The following LIMK2 variants were observed in gnomAD, a reference collection of about 807,000 sequenced individuals.
The protein encoded by LIMK2 is LIM domain kinase 2.
In LIMK2, 35 loss-of-function variants were observed where a neutral mutation model predicts 75.7. The ratio of observed to expected loss-of-function variants is 0.46; its 90% CI spans 0.35 to 0.61. The LOEUF (loss-of-function observed/expected upper bound fraction) is 0.61. Among genes scored for constraint, LIMK2 ranks in the 20% least tolerant of loss-of-function variants. The pLI, the probability that LIMK2 is intolerant of heterozygous loss-of-function variation, is 0.00. For missense variants in LIMK2, 623 were observed against 831.0 expected, an observed-to-expected ratio of 0.75 and a Z score of 3.08; for synonymous variants, 301 against 319.2, an observed-to-expected ratio of 0.94 and a Z score of 0.61.
In LIMK2 at chr22:31,272,567, G is replaced by A. The variant is rs1262630792; in HGVS notation, c.1421G>A (p.Arg474Gln). ...GTGGTGGCAGACTTTGGGCTGTCAC[G>A]GCTCATAGTGGAAGAGAGGAAAAGG... ...TVVVADFGLS[R>Q]LIVEERKRAP... Residue 474 changes from arginine (R) to glutamine (Q), a missense_variant, in exon 13 of 16, where the codon CGG becomes CAG. Around this residue, in one of 3 missense-constraint regions of LIMK2, gnomAD observed 514 missense variants for 661.3 expected, o/e 0.78. Coordinates refer to ENST00000331728, the MANE Select transcript of LIMK2 (RefSeq NM_005569.4). 6 of 1,613,528 alleles carry A rather than the reference G, an allele frequency of 3.7e-6. No homozygotes were observed. Among genetic ancestry groups the A allele is most frequent in the Non-Finnish European group, 5.1e-6 (6 of 1,179,916 alleles).
intron 11 of LIMK2, among the ~76,000 whole-genome samples, chr22:31,270,360 G>A (rs370615413): frequency 2.0e-5 from 3 of 152,202 alleles, no homozygotes; most frequent in African/African-American, 7.2e-5. Context: ...GACAGTCTTT[G>A]AGGAGCACTC....
intron 1 of LIMK2, among the ~76,000 whole-genome samples, chr22:31,214,400 A>G (rs1208860511): frequency 6.6e-6 from 1 of 152,220 alleles, no homozygotes; most frequent in Admixed American, 6.5e-5. Flanking sequence ...ATTGCAATAA[A>G]TGCTATAATA....
At chr22:31,229,012 G>T (rs2048502657) in intron 2 of LIMK2, among the ~76,000 whole-genome samples, 1 of 151,846 alleles carries the variant, frequency 6.6e-6, no homozygotes, top group African/African-American at 2.4e-5. Flanking sequence ...ATTATGTTGT[G>T]AGTGTGTGTC....
intron 5 of LIMK2, among the ~76,000 whole-genome samples, chr22:31,260,319 AG>A (rs1421422652): frequency 6.6e-6 from 1 of 152,212 alleles, no homozygotes; most frequent in Non-Finnish European, 1.5e-5. Flanking sequence ...GTCAGGTTTC[AG>A]GTCATGTTTG....
intron 2 of LIMK2, among the ~76,000 whole-genome samples, chr22:31,231,520 C>A (rs1043441582): frequency 6.6e-6 from 1 of 152,186 alleles, no homozygotes; most frequent in Non-Finnish European, 1.5e-5. Flanking sequence ...GCCTGCCTGA[C>A]AGAGGAAGGA....
intron 1 of LIMK2, among the ~76,000 whole-genome samples, chr22:31,216,312 G>T (rs1038277560): frequency 1.3e-5 from 2 of 152,168 alleles, no homozygotes; most frequent in Non-Finnish European, 2.9e-5. Flanking sequence ...CAAGTTTCAG[G>T]TCTTCATAAA....
chr22:31,216,689 C>G (rs1163362661), intron 1 of LIMK2, among the ~76,000 whole-genome samples: 1 of 152,176 alleles, frequency 6.6e-6, no homozygotes, highest in Non-Finnish European at 1.5e-5. Flanking sequence ...GATTTCAAAA[C>G]TAAATAAAAA....
intron 1 of LIMK2, among the ~76,000 whole-genome samples, chr22:31,221,338 C>G (rs2048431424): frequency 6.6e-6 from 1 of 151,308 alleles, no homozygotes; most frequent in Non-Finnish European, 1.5e-5. Flanking sequence ...CTTCCTTCCC[C>G]CCTTTTTTGC....
In LIMK2 at chr22:31,268,140, G is replaced by T. The variant is rs1232045400; in HGVS notation, c.1261-4G>T. ...GCCTCTGAAAATCATTCCCCATTCT[G>T]CAGGATCCGTTCCCCTGGCAGCAGA... On this transcript the variant is annotated splice_polypyrimidine_tract_variant and splice_region_variant and intron_variant, in intron 10 of 15. Transcript: ENST00000331728. The T allele has an allele frequency of 1.2e-6, 2 of 1,613,942 alleles. No homozygotes were observed. Among genetic ancestry groups the T allele is most frequent in the South Asian group, 2.2e-5 (2 of 91,090 alleles).
intron 2 of LIMK2, among the ~76,000 whole-genome samples, chr22:31,234,745 C>T (rs544363796): frequency 1.2e-4 from 18 of 147,888 alleles, no homozygotes; most frequent in African/African-American, 4.5e-4. Flanking sequence ...AAAAAAAATT[C>T]CTTAATTTGG....
intron 1 of LIMK2, among the ~76,000 whole-genome samples, chr22:31,224,210 A>G (rs2048459757): frequency 6.6e-6 from 1 of 152,088 alleles, no homozygotes; most frequent in Non-Finnish European, 1.5e-5. Flanking sequence ...CCATACCAGG[A>G]GTATTGTATT....
intron 2 of LIMK2, among the ~76,000 whole-genome samples, chr22:31,255,057 G>A (rs1426399983): frequency 6.6e-6 from 1 of 152,180 alleles, no homozygotes; most frequent in African/African-American, 2.4e-5. Context: ...GCTAGCCCAA[G>A]ATCACTTAGG....
intron 1 of LIMK2, 36 bp downstream of exon 1, chr22:31,212,460 T>C (rs746812149): frequency 4.9e-5 from 65 of 1,316,360 alleles, no homozygotes; most frequent in Middle Eastern, 2.0e-4. Flanking sequence ...CCCGCTGTTA[T>C]CTCCGAAGTC....
Position 31,232,062 on chromosome 22 carries a change from C to T in LIMK2, c.116+6243C>T, listed in dbSNP as rs113032546. 3.9e-3 allele frequency among the ~76,000 whole-genome samples: 599 copies of T among 151,922 alleles called. 1 individual carries two copies. The highest frequency in any genetic ancestry group is 0.013 in the African/African-American group (554 of 41,402). On this transcript the variant is annotated intron_variant, in intron 2 of 15. Transcript: ENST00000331728. The stretch of plus-strand genomic sequence containing the variant: ...GTCTTGAACTCCAGCGATCCTCCTG[C>T]CCCAGCCTCCCAAAGTGCTTGGGAT...
chr22:31,273,111 A>G, intron 13 of LIMK2: 1 of 879,306 alleles, frequency 1.1e-6, no homozygotes, highest in Non-Finnish European at 1.4e-6. Flanking sequence ...TCTGAATACA[A>G]TCCATTTTGG....
chr22:31,247,063 C>A (rs1357769792), intron 2 of LIMK2, among the ~76,000 whole-genome samples: 2 of 152,212 alleles, frequency 1.3e-5, no homozygotes, highest in Non-Finnish European at 2.9e-5. Context: ...TCCCTTGTAA[C>A]CCCATCTACC....
intron 15 of LIMK2, among the ~76,000 whole-genome samples, chr22:31,278,023 G>A (rs182393590): frequency 2.0e-3 from 312 of 152,206 alleles, no homozygotes; most frequent in Middle Eastern, 0.017. Context: ...TTTGATAACT[G>A]CATTTTCTCT....
At chr22:31,218,469 C>T (rs1036224889) in intron 1 of LIMK2, among the ~76,000 whole-genome samples, 1 of 152,190 alleles carries the variant, frequency 6.6e-6, no homozygotes. Context: ...CTTGATCCCT[C>T]CTTTTACAAA....
At chr22:31,219,359 A>C (rs2048414632) in intron 1 of LIMK2, among the ~76,000 whole-genome samples, 1 of 152,174 alleles carries the variant, frequency 6.6e-6, no homozygotes. Context: ...CAAGATTGAA[A>C]AGGTCTTAAA....
Sources: allele counts gnomAD v4.1 joint callset (sites outside exome capture counted in the v4.1 genomes callset), GRCh38; gene constraint gnomAD v4.1.1; regional missense constraint gnomAD v4.1.1; transcripts MANE v1.5; gene names NCBI Gene and HGNC (gene_info 2026-07-23, HGNC 2026-07-21).